Variants in SCP2 observed in about 807,000 individuals in gnomAD.
The protein encoded by SCP2 is sterol carrier protein 2.
A neutral mutation model predicts 71.4 loss-of-function variants in SCP2; 48 were observed. That is an observed-to-expected ratio of 0.67 (90% CI 0.53 to 0.86). The LOEUF is 0.86. SCP2 is among the 40% of genes least tolerant of loss of function. SCP2 has a pLI of 0.00. For synonymous variants in SCP2, 220 were observed against 218.1 expected, an observed-to-expected ratio of 1.01 and a Z score of -0.08; for missense variants, 560 against 655.6, an observed-to-expected ratio of 0.85 and a Z score of 1.59.
chr1:53,005,371 A>G (rs987738871), intron 11 of SCP2, among the ~76,000 whole-genome samples: 3 of 152,200 alleles, frequency 2.0e-5, no homozygotes, highest in African/African-American at 7.2e-5. Context: ...GACACCTCCC[A>G]GTAGGGGCTG....
intron 5 of SCP2, among the ~76,000 whole-genome samples, chr1:52,955,318 T>G (rs1172960679): frequency 6.6e-6 from 1 of 152,224 alleles, no homozygotes; most frequent in African/African-American, 2.4e-5. Context: ...CAGGCAGCTG[T>G]GAGCCACAAT....
At chr1:53,024,623 T>A (rs1342731579) in intron 12 of SCP2, among the ~76,000 whole-genome samples, 1 of 150,202 alleles carries the variant, frequency 6.7e-6, no homozygotes, top group Admixed American at 6.7e-5. Flanking sequence ...CAGGCTGGAG[T>A]GCAGTGGCAT....
rs534416974 is a variant in SCP2 at position 53,044,064 on chromosome 1, CTT to C, written c.1469-3784_1469-3783del. 2.4e-4 allele frequency among the ~76,000 whole-genome samples: 35 copies of C among 146,508 alleles called. 1 individual carries two copies. In the South Asian group the frequency reaches 3.9e-3, roughly 16 times the overall value. ...TATGCTTTAACAGTTTATTCCATCT[CTT>C]TTTTTTTTTGAGATGGAGTCTCACT... On this transcript the variant is annotated intron_variant, in intron 14 of 15. Coordinates refer to ENST00000371514, the MANE Select transcript of SCP2 (RefSeq NM_002979.5).
chr1:52,987,995 T>C (rs1385386649), intron 10 of SCP2, 34 bp from the exon 11 acceptor site: 1 of 1,042,714 alleles, frequency 9.6e-7, no homozygotes, highest in African/African-American at 1.6e-5. Flanking sequence ...ATTGTTACTA[T>C]TAATATTTGT....
chr1:52,962,908 TA>T (rs1456950011), intron 6 of SCP2, among the ~76,000 whole-genome samples: 1 of 150,852 alleles, frequency 6.6e-6, no homozygotes. Flanking sequence ...TATAACATGA[TA>T]TATATATATA....
chr1:52,956,079 G>A (rs565042719), intron 5 of SCP2, among the ~76,000 whole-genome samples: 281 of 152,206 alleles, frequency 1.8e-3, no homozygotes, highest in Middle Eastern at 3.4e-3. Context: ...TGAGATGGGC[G>A]GATCACTTGA....
intron 5 of SCP2, among the ~76,000 whole-genome samples, chr1:52,959,924 C>G (rs1656184519): frequency 1.3e-5 from 2 of 150,478 alleles, no homozygotes; most frequent in Admixed American, 1.3e-4. Context: ...CAGAGTCTCA[C>G]TCTGCCGCCC....
chr1:52,973,144 G>C (rs938714074), intron 6 of SCP2, among the ~76,000 whole-genome samples: 2 of 152,218 alleles, frequency 1.3e-5, no homozygotes, highest in East Asian at 3.8e-4. Context: ...GTTAGTGCTA[G>C]AAACTTTTCT....
intron 6 of SCP2, among the ~76,000 whole-genome samples, chr1:52,968,590 G>A (rs1042309028): frequency 1.3e-5 from 2 of 152,124 alleles, no homozygotes; most frequent in Non-Finnish European, 2.9e-5. Context: ...CCATCACCAT[G>A]ATTAATTTCA....
At chr1:53,040,298 T>C (rs1333316129) in intron 14 of SCP2, among the ~76,000 whole-genome samples, 2 of 152,232 alleles carry the variant, frequency 1.3e-5, no homozygotes, top group African/African-American at 4.8e-5. Context: ...GGCCTCAGTT[T>C]TCACTGTCTT....
In SCP2 at chr1:52,948,069, G is replaced by T; in HGVS notation, c.188G>T (p.Gly63Val). ...PYSAVDQACVGYVFGDSTCGQ... is the reference protein window; with the variant it reads ...PYSAVDQACVVYVFGDSTCGQ... ...TCAGCAGTGGACCAGGCATGTGTTG[G>T]CTATGTTTTTGGTATGTATTAAACT... The change falls in exon 3 of 16, where the codon GGC becomes GTC. Residue 63 changes from glycine to valine, a missense_variant. By Grantham distance (109) the Gly-to-Val change is moderately radical. Coordinates refer to ENST00000371514, the MANE Select transcript of SCP2 (RefSeq NM_002979.5). The T allele has an allele frequency of 6.2e-7, 1 of 1,610,708 alleles. No individual in the cohort carries two copies. Among genetic ancestry groups the T allele is most frequent in the Non-Finnish European group, 8.5e-7 (1 of 1,176,986 alleles).
intron 10 of SCP2, among the ~76,000 whole-genome samples, chr1:52,981,015 T>C (rs535754766): frequency 6.6e-6 from 1 of 152,256 alleles, no homozygotes; most frequent in East Asian, 1.9e-4. Flanking sequence ...CAATGCAACC[T>C]CCACCTCCTG....
In SCP2 at chr1:52,941,519, A is replaced by G. The variant is rs759019329; in HGVS notation, c.70-277A>G. ...TGGGAGGCCGAGGCAGGCAGATCAC[A>G]AGGTCAGGAGTTTGAGACCAGCCTG... On this transcript the variant is annotated intron_variant, in intron 1 of 15. Coordinates refer to ENST00000371514, the MANE Select transcript of SCP2 (RefSeq NM_002979.5). Among the ~76,000 whole-genome samples the G allele has an allele frequency of 0.013, 1,982 of 152,068 alleles. 26 individuals carry two copies. Among genetic ancestry groups the G allele is most frequent in the African/African-American group, 0.031 (1,269 of 41,482 alleles).
intron 1 of SCP2, among the ~76,000 whole-genome samples, chr1:52,939,303 T>G (rs1289799954): frequency 1.3e-5 from 2 of 152,186 alleles, no homozygotes; most frequent in Non-Finnish European, 2.9e-5. Flanking sequence ...CCCAGCACTT[T>G]GAGAGGCTGA....
In SCP2 at chr1:52,962,301, A is replaced by G. The variant is rs572980944; in HGVS notation, c.523+672A>G. Reference sequence around the variant, plus strand: ...CAATATATCAGCAAGCCTTTTCTCTATATTCTCAGTCTATCCATTTCTCAC... The same window carrying G: ...CAATATATCAGCAAGCCTTTTCTCTGTATTCTCAGTCTATCCATTTCTCAC... On this transcript the variant is annotated intron_variant, in intron 6 of 15. Transcript: ENST00000371514. Among the ~76,000 whole-genome samples the G allele has an allele frequency of 1.1e-4, 17 of 152,192 alleles. No homozygotes were observed. In the East Asian group the frequency reaches 1.2e-3, roughly 10 times the overall value.
At chr1:52,940,131 A>G (rs1654091877) in intron 1 of SCP2, among the ~76,000 whole-genome samples, 1 of 152,038 alleles carries the variant, frequency 6.6e-6, no homozygotes, top group Non-Finnish European at 1.5e-5. Context: ...TCATCTGGGC[A>G]TGGTGGCTCA....
At chr1:52,953,060 CTTTTTT>C (rs570429324) in intron 4 of SCP2, among the ~76,000 whole-genome samples, 2 of 103,676 alleles carry the variant, frequency 1.9e-5, no homozygotes, top group African/African-American at 7.1e-5. Flanking sequence ...GCAATTCTGT[CTTTTTT>C]TTTTTTTTTT....
At chr1:52,930,063 C>T (rs1245422168) in intron 1 of SCP2, among the ~76,000 whole-genome samples, 1 of 152,174 alleles carries the variant, frequency 6.6e-6, no homozygotes, top group East Asian at 1.9e-4. Context: ...GGCTAAGTCC[C>T]ATACCTTCTT....
intron 11 of SCP2, among the ~76,000 whole-genome samples, chr1:53,006,514 A>G (rs1317673367): frequency 6.6e-6 from 1 of 152,218 alleles, no homozygotes; most frequent in Non-Finnish European, 1.5e-5. Context: ...CCAAAATTTC[A>G]TATCCAGCCA....
Sources: gnomAD v4.1 joint callset for allele counts (sites outside exome capture counted in the v4.1 genomes callset) on GRCh38, gnomAD v4.1.1 for gene constraint, MANE v1.5 for transcripts, NCBI Gene and HGNC (gene_info 2026-07-23, HGNC 2026-07-21) for gene names.